The following HS2ST1 variants were observed in gnomAD, a reference collection of about 807,000 sequenced individuals.
The protein encoded by HS2ST1 is 2-O-sulfotransferase.
Under a neutral mutation model 42.9 loss-of-function variants are expected in HS2ST1, and 18 were observed. The ratio of observed to expected loss-of-function variants is 0.42; its 90% CI spans 0.29 to 0.62. HS2ST1 has a LOEUF of 0.62. Ranked by LOEUF, HS2ST1 falls within the 20% of genes least tolerant of loss-of-function variation. The probability of loss-of-function intolerance (pLI) is 0.21; values close to 1 mark genes in which losing one functional copy is unlikely to be tolerated. For missense variants in HS2ST1, 334 were observed against 433.8 expected, an observed-to-expected ratio of 0.77 and a Z score of 2.04; for synonymous variants, 146 against 152.9, an observed-to-expected ratio of 0.95 and a Z score of 0.33.
intron 1 of HS2ST1, among the ~76,000 whole-genome samples, chr1:86,955,246 A>T (rs1161675891): frequency 6.6e-6 from 1 of 152,180 alleles, no homozygotes; most frequent in Non-Finnish European, 1.5e-5. Context: ...TATAGGGAAT[A>T]TTGAGTCATG....
At chr1:86,967,557 G>A (rs1260895946) in intron 1 of HS2ST1, among the ~76,000 whole-genome samples, 2 of 152,118 alleles carry the variant, frequency 1.3e-5, no homozygotes, top group Non-Finnish European at 2.9e-5. Context: ...GTATTTGGTT[G>A]TCCATTCCTG....
At chr1:86,933,882 T>C (rs1660590401) in intron 1 of HS2ST1, among the ~76,000 whole-genome samples, 1 of 152,200 alleles carries the variant, frequency 6.6e-6, no homozygotes, top group Non-Finnish European at 1.5e-5. Flanking sequence ...TGCTTTTGTC[T>C]CCTTTGTTGT....
intron 1 of HS2ST1, among the ~76,000 whole-genome samples, chr1:86,921,332 G>A (rs4656125): frequency 0.089 from 13,460 of 152,088 alleles, 695 homozygotes; most frequent in Non-Finnish European, 0.12. Flanking sequence ...GAAGTGCTGT[G>A]ATTAAGTATA....
chr1:87,016,398 TAATC>T (rs950649657), intron 1 of HS2ST1, among the ~76,000 whole-genome samples: 4 of 152,172 alleles, frequency 2.6e-5, no homozygotes, highest in East Asian at 3.9e-4. Flanking sequence ...TTTTCCAGGT[TAATC>T]AATCAGTCAG....
At chr1:87,039,876 T>TA (rs1048289349) in intron 1 of HS2ST1, among the ~76,000 whole-genome samples, 4 of 151,742 alleles carry the variant, frequency 2.6e-5, no homozygotes, top group African/African-American at 9.8e-5. Flanking sequence ...GGAAGTTTCT[T>TA]ACAGTTTTTG....
At chr1:86,967,322 TG>T (rs1337812952) in intron 1 of HS2ST1, among the ~76,000 whole-genome samples, 2 of 152,234 alleles carry the variant, frequency 1.3e-5, no homozygotes, top group African/African-American at 4.8e-5. Flanking sequence ...CAAGAGCTTT[TG>T]GGGTACAGGT....
intron 1 of HS2ST1, among the ~76,000 whole-genome samples, chr1:87,028,870 A>G (rs1650159126): frequency 6.6e-6 from 1 of 152,152 alleles, no homozygotes; most frequent in Non-Finnish European, 1.5e-5. Context: ...TAAAAAGTAT[A>G]GTTTCTGATT....
intron 1 of HS2ST1, among the ~76,000 whole-genome samples, chr1:86,989,519 G>C (rs1648882507): frequency 6.6e-6 from 1 of 152,178 alleles, no homozygotes; most frequent in Admixed American, 6.5e-5. Flanking sequence ...AACATTTTTA[G>C]AAGCTTCTGC....
At chr1:86,932,511 T>C (rs923471321) in intron 1 of HS2ST1, 2 of 152,202 alleles carry the variant, frequency 1.3e-5, no homozygotes, top group Non-Finnish European at 1.5e-5. Flanking sequence ...AATAAAGTGA[T>C]ACATAAATCA....
chr1:87,046,709 T>C (rs12756724), intron 1 of HS2ST1: 995,899 of 1,228,250 alleles, frequency 0.81, 403,785 homozygotes, highest in East Asian at 0.96. Context: ...AAGCTGTGCA[T>C]GTCGATTTTA....
At chr1:87,099,914 C>A in intron 5 of HS2ST1, among the ~76,000 whole-genome samples, 1 of 152,238 alleles carries the variant, frequency 6.6e-6, no homozygotes, top group East Asian at 1.9e-4. Flanking sequence ...AATCTTAAAG[C>A]TCCAACATAA....
intron 1 of HS2ST1, among the ~76,000 whole-genome samples, chr1:87,058,442 G>A (rs1002438928): frequency 1.3e-5 from 2 of 151,364 alleles, no homozygotes; most frequent in Non-Finnish European, 2.9e-5. Flanking sequence ...TAAGTGCACT[G>A]TTTTGTTTTG....
intron 6 of HS2ST1, 92 bp downstream of exon 6, chr1:87,103,681 G>A: frequency 1.9e-6 from 2 of 1,070,882 alleles, no homozygotes; most frequent in Non-Finnish European, 2.6e-6. Context: ...TTTCTTCAGT[G>A]AAACACAACA....
chr1:86,942,904 C>G (rs1473991645), intron 1 of HS2ST1, among the ~76,000 whole-genome samples: 3 of 150,496 alleles, frequency 2.0e-5, no homozygotes, highest in Non-Finnish European at 3.0e-5. Flanking sequence ...GGCTTGAAAA[C>G]TAGGAGTCAT....
intron 2 of HS2ST1, among the ~76,000 whole-genome samples, chr1:87,077,919 T>C (rs1211335928): frequency 1.3e-5 from 2 of 152,152 alleles, no homozygotes; most frequent in Non-Finnish European, 2.9e-5. Flanking sequence ...ACAGCACAGC[T>C]CTGAACTTCA....
At chr1:86,960,046 G>A (rs567390111) in intron 1 of HS2ST1, among the ~76,000 whole-genome samples, 2 of 152,306 alleles carry the variant, frequency 1.3e-5, no homozygotes, top group Admixed American at 6.5e-5. Flanking sequence ...TGAAGCCACA[G>A]TAATCAAGAC....
At chr1:87,090,417 A>G (rs1651911817) in intron 3 of HS2ST1, among the ~76,000 whole-genome samples, 1 of 152,072 alleles carries the variant, frequency 6.6e-6, no homozygotes, top group South Asian at 2.1e-4. Flanking sequence ...TATTGGTACT[A>G]TGCCTACCCT....
At chr1:86,948,651 G>A (rs1442403450) in intron 1 of HS2ST1, among the ~76,000 whole-genome samples, 1 of 152,082 alleles carries the variant, frequency 6.6e-6, no homozygotes, top group African/African-American at 2.4e-5. Context: ...AAATTAATGT[G>A]CCATTTATTT....
rs536522478 is a variant in HS2ST1 at position 87,068,534 on chromosome 1, T to C, written c.125-4400T>C. ...ACAATATGACTTCCTCTTTTCCTAA[T>C]TGAATACCCTTTATTTCTTTCTCCT... On this transcript the variant is annotated intron_variant, in intron 1 of 6. Transcript: ENST00000370550. Among the ~76,000 whole-genome samples the C allele has an allele frequency of 2.9e-4, 44 of 152,334 alleles. 1 individual carries two copies. Among genetic ancestry groups the C allele is most frequent in the African/African-American group, 1.0e-3 (43 of 41,586 alleles).
Sources: gnomAD v4.1 joint callset for allele counts (sites outside exome capture counted in the v4.1 genomes callset) on GRCh38, gnomAD v4.1.1 for gene constraint, MANE v1.5 for transcripts, NCBI Gene and HGNC (gene_info 2026-07-23, HGNC 2026-07-21) for gene names.